COL25A1: variants seen among roughly 807,000 people sequenced by gnomAD.
The protein encoded by COL25A1 is collagen type XXV alpha 1 chain, also known as collagen alpha-1(XXV) chain.
COL25A1 carries 103 observed loss-of-function variants against 128.4 expected under a neutral mutation model. The ratio of observed to expected loss-of-function variants is 0.80; its 90% CI spans 0.68 to 0.94. The LOEUF is 0.94. Among genes scored for constraint, COL25A1 ranks in the 40% least tolerant of loss-of-function variants. COL25A1 has a pLI of 0.00. For synonymous variants in COL25A1, 279 were observed against 277.2 expected (o/e 1.01, Z -0.06); for missense variants, 745 against 840.0 (o/e 0.89, Z 1.40).
intron 24 of COL25A1, among the ~76,000 whole-genome samples, chr4:108,858,677 A>C (rs1377394343): frequency 1.3e-5 from 2 of 152,204 alleles, no homozygotes; most frequent in Non-Finnish European, 1.5e-5. Context: ...TAGAGATGAA[A>C]GAATTGAGAG....
intron 6 of COL25A1, among the ~76,000 whole-genome samples, chr4:108,982,308 A>C (rs566076104): frequency 1.3e-5 from 2 of 152,326 alleles, no homozygotes; most frequent in African/African-American, 4.8e-5. Flanking sequence ...CGAGAATAGG[A>C]AGGTCTAATA....
At chr4:109,043,914 T>C (rs1468596636) in intron 5 of COL25A1, among the ~76,000 whole-genome samples, 1 of 152,164 alleles carries the variant, frequency 6.6e-6, no homozygotes, top group Non-Finnish European at 1.5e-5. Context: ...TTGTGATATC[T>C]GAGCTTGATG....
intron 2 of COL25A1, 47 bp from the exon 3 acceptor site, chr4:109,300,699 G>A (rs1725431471): frequency 1.5e-6 from 2 of 1,342,042 alleles, no homozygotes; most frequent in Admixed American, 1.7e-5. Flanking sequence ...GCACTGTAGA[G>A]GGATGGAGTC....
At chr4:108,814,584 A>ATC (rs1357092505) in intron 37 of COL25A1, among the ~76,000 whole-genome samples, 1 of 152,146 alleles carries the variant, frequency 6.6e-6, no homozygotes, top group Non-Finnish European at 1.5e-5. Context: ...CTGCTTTCTC[A>ATC]TCTCTCTCTC....
rs1380966814 is a variant in COL25A1 at position 109,176,553 on chromosome 4, G to A, written c.367+124030C>T. On this transcript the variant is annotated intron_variant, in intron 3 of 37. Transcript: ENST00000399132. Reference sequence around the variant, plus strand: ...AAACGAGAAAGTTCCAAGAAAAAGAGTAGAGTGCTGAATGAGTTAAGATAA... The same window carrying A: ...AAACGAGAAAGTTCCAAGAAAAAGAATAGAGTGCTGAATGAGTTAAGATAA... 2.0e-5 allele frequency among the ~76,000 whole-genome samples: 3 copies of A among 152,256 alleles called. No homozygotes were observed. The East Asian group carries it at 5.8e-4, about 29-fold the overall frequency.
Position 108,932,942 on chromosome 4 carries a change from A to C in COL25A1, c.708+4866T>G, listed in dbSNP as rs1056752124. Among the ~76,000 whole-genome samples the C allele has an allele frequency of 2.0e-5, 3 of 152,296 alleles. No homozygotes were observed. The East Asian group carries it at 5.8e-4, about 29-fold the overall frequency. ...AGCAGCTCTCTCCTTATTTAGATGG[A>C]GTCAAATTTATTTAAGTGCAAAATC... On this transcript the variant is annotated intron_variant, in intron 11 of 37. Coordinates refer to ENST00000399132, the MANE Select transcript of COL25A1 (RefSeq NM_198721.4).
At chr4:109,032,834 GA>G (rs1758994334) in intron 5 of COL25A1, among the ~76,000 whole-genome samples, 1 of 152,190 alleles carries the variant, frequency 6.6e-6, no homozygotes, top group Admixed American at 6.5e-5. Context: ...GTGTTCCACA[GA>G]CTGTAGCCAC....
intron 5 of COL25A1, among the ~76,000 whole-genome samples, chr4:109,015,743 A>G (rs1478456059): frequency 6.6e-6 from 1 of 152,278 alleles, no homozygotes; most frequent in East Asian, 1.9e-4. Flanking sequence ...TTTTACAGGA[A>G]AGTATTCACA....
At chr4:108,877,811 T>C (rs998454551) in intron 19 of COL25A1, among the ~76,000 whole-genome samples, 2 of 152,136 alleles carry the variant, frequency 1.3e-5, no homozygotes, top group Non-Finnish European at 2.9e-5. Context: ...ACAATGACCA[T>C]CAAAGGTCTC....
chr4:108,881,117 T>C (rs1285845655), intron 19 of COL25A1, among the ~76,000 whole-genome samples: 1 of 152,202 alleles, frequency 6.6e-6, no homozygotes, highest in East Asian at 1.9e-4. Flanking sequence ...AAGAGGACTT[T>C]TGGATACTTC....
At chr4:108,862,342 A>G (rs1057241845) in intron 22 of COL25A1, among the ~76,000 whole-genome samples, 159 bp downstream of exon 22, 22 of 152,244 alleles carry the variant, frequency 1.4e-4, no homozygotes, top group African/African-American at 5.3e-4. Flanking sequence ...TTGAGATATC[A>G]TCATAGGGAT....
intron 3 of COL25A1, among the ~76,000 whole-genome samples, chr4:109,146,191 C>A (rs1161452096): frequency 1.3e-5 from 2 of 151,938 alleles, no homozygotes; most frequent in East Asian, 1.9e-4. Context: ...ATTAGAATAA[C>A]CATGATTAAG....
chr4:108,947,078 G>T (rs564717901), intron 8 of COL25A1, among the ~76,000 whole-genome samples: 52 of 152,284 alleles, frequency 3.4e-4, no homozygotes, highest in African/African-American at 1.1e-3. Context: ...CATGAATTCA[G>T]CTATAGATTC....
At chr4:108,996,430 A>T (rs1224572673) in intron 6 of COL25A1, among the ~76,000 whole-genome samples, 4 of 152,186 alleles carry the variant, frequency 2.6e-5, no homozygotes, top group African/African-American at 9.7e-5. Context: ...AACTATCCTA[A>T]ACATATATGC....
intron 5 of COL25A1, among the ~76,000 whole-genome samples, chr4:109,042,072 A>G (rs547839832): frequency 1.3e-5 from 2 of 151,880 alleles, no homozygotes; most frequent in African/African-American, 4.8e-5. Context: ...TAAAATTTTA[A>G]TTTTTTTACT....
At chr4:109,032,602 A>G (rs1758968200) in intron 5 of COL25A1, among the ~76,000 whole-genome samples, 1 of 152,254 alleles carries the variant, frequency 6.6e-6, no homozygotes, top group African/African-American at 2.4e-5. Flanking sequence ...ATTTATTTTA[A>G]CAGATAACAT....
intron 3 of COL25A1, among the ~76,000 whole-genome samples, chr4:109,273,584 T>C (rs1782343332): frequency 6.6e-6 from 1 of 152,156 alleles, no homozygotes; most frequent in South Asian, 2.1e-4. Context: ...ATAGATATAA[T>C]TAGTTGGTTG....
At chr4:109,229,886 G>A (rs751444532) in intron 3 of COL25A1, among the ~76,000 whole-genome samples, 3 of 152,154 alleles carry the variant, frequency 2.0e-5, no homozygotes, top group South Asian at 2.1e-4. Flanking sequence ...TAACTGATCC[G>A]TGGTTCTGCA....
chr4:109,121,975 A>G lies in COL25A1; in HGVS notation c.368-71796T>C, dbSNP rs115250679. ...AGATGAGCTATCAAGCCATGAACAG[A>G]CATGGATGAAACTTAGATGCATACT... On this transcript the variant is annotated intron_variant, in intron 3 of 37. Coordinates refer to ENST00000399132, the MANE Select transcript of COL25A1 (RefSeq NM_198721.4). 2.8e-3 allele frequency among the ~76,000 whole-genome samples: 421 copies of G among 152,266 alleles called. 3 individuals are homozygous for G. The highest frequency in any genetic ancestry group is 9.6e-3 in the African/African-American group (400 of 41,572).
Sources: allele counts gnomAD v4.1 joint callset (sites outside exome capture counted in the v4.1 genomes callset), GRCh38; gene constraint gnomAD v4.1.1; transcripts MANE v1.5; gene names NCBI Gene and HGNC (gene_info 2026-07-23, HGNC 2026-07-21).